Variants in NCAM2 observed in about 807,000 individuals in gnomAD.
NCAM2 encodes the protein N-CAM-2.
In NCAM2, 30 loss-of-function variants were observed where a neutral mutation model predicts 98.1. The ratio of observed to expected loss-of-function variants is 0.31; its 90% CI spans 0.23 to 0.41. The LOEUF (loss-of-function observed/expected upper bound fraction) is 0.41. NCAM2 is among the 10% of genes least tolerant of loss of function. The pLI, the probability that NCAM2 is intolerant of heterozygous loss-of-function variation, is 1.00. For synonymous variants in NCAM2, 368 were observed against 342.4 expected (o/e 1.07, Z -0.83); for missense variants, 867 against 1,005.8 (o/e 0.86, Z 1.87).
At chr21:21,450,051 A>G (rs1003997367) in intron 12 of NCAM2, among the ~76,000 whole-genome samples, 1 of 152,044 alleles carries the variant, frequency 6.6e-6, no homozygotes, top group African/African-American at 2.4e-5. Context: ...CTTTTTACAA[A>G]ATCTCCATTG....
intron 1 of NCAM2, among the ~76,000 whole-genome samples, chr21:21,099,968 T>C (rs2066207047): frequency 6.6e-6 from 1 of 151,906 alleles, no homozygotes; most frequent in South Asian, 2.1e-4. Flanking sequence ...ATTATGTGTT[T>C]GTTTATTATT....
At chr21:21,352,684 C>T (rs759487032) in intron 8 of NCAM2, among the ~76,000 whole-genome samples, 20 of 150,568 alleles carry the variant, frequency 1.3e-4, no homozygotes, top group Non-Finnish European at 2.7e-4. Flanking sequence ...TTACATGTAA[C>T]AATATCTCAG....
chr21:21,043,437 A>G (rs1210079000), intron 1 of NCAM2, among the ~76,000 whole-genome samples: 1 of 152,158 alleles, frequency 6.6e-6, no homozygotes, highest in Non-Finnish European at 1.5e-5. Flanking sequence ...GCACCTAATA[A>G]GGAGTTGTTG....
At chr21:21,147,403 G>C (rs1366253786) in intron 1 of NCAM2, among the ~76,000 whole-genome samples, 1 of 151,934 alleles carries the variant, frequency 6.6e-6, no homozygotes, top group Non-Finnish European at 1.5e-5. Context: ...ACTTCACTCT[G>C]ATTTCATTTA....
intron 1 of NCAM2, among the ~76,000 whole-genome samples, chr21:21,155,487 A>G (rs1449635256): frequency 6.6e-6 from 1 of 151,574 alleles, no homozygotes; most frequent in Non-Finnish European, 1.5e-5. Context: ...TGTGTTAGTT[A>G]CTCATGATTA....
intron 10 of NCAM2, among the ~76,000 whole-genome samples, chr21:21,411,268 T>C (rs2076882817): frequency 6.9e-6 from 1 of 145,858 alleles, no homozygotes; most frequent in African/African-American, 2.5e-5. Flanking sequence ...GGTAATGTAA[T>C]AGTTATTGAG....
chr21:21,091,377 A>G (rs1191732898), intron 1 of NCAM2, among the ~76,000 whole-genome samples: 1 of 152,162 alleles, frequency 6.6e-6, no homozygotes, highest in East Asian at 1.9e-4. Context: ...GCTCACGTCC[A>G]AATGTGCCTG....
chr21:21,510,562 G>A (rs1016243508), intron 16 of NCAM2, among the ~76,000 whole-genome samples: 1 of 148,704 alleles, frequency 6.7e-6, no homozygotes, highest in African/African-American at 2.5e-5. Flanking sequence ...CTATGCATCT[G>A]TTGAAGCGTG....
chr21:21,221,674 A>G (rs1568790996), intron 1 of NCAM2, among the ~76,000 whole-genome samples: 1 of 152,206 alleles, frequency 6.6e-6, no homozygotes, highest in Non-Finnish European at 1.5e-5. Context: ...GTTTGAAACT[A>G]GCAGAGGCTG....
intron 1 of NCAM2, among the ~76,000 whole-genome samples, chr21:21,069,576 A>T (rs1017435627): frequency 2.0e-5 from 3 of 152,164 alleles, no homozygotes; most frequent in Non-Finnish European, 4.4e-5. Context: ...ACCCACTCAA[A>T]CACTTTTCGA....
At chr21:21,296,871 A>G (rs934160863) in intron 5 of NCAM2, among the ~76,000 whole-genome samples, 1 of 151,718 alleles carries the variant, frequency 6.6e-6, no homozygotes, top group African/African-American at 2.4e-5. Context: ...AAAAATGACC[A>G]ATACAGTGTG....
chr21:21,484,440 A>G (rs1360625632), intron 15 of NCAM2, among the ~76,000 whole-genome samples: 3 of 151,954 alleles, frequency 2.0e-5, no homozygotes, highest in East Asian at 1.9e-4. Context: ...TTCAAAAACA[A>G]TTTTCATCAT....
In NCAM2 at chr21:21,516,246, T is replaced by C. The variant is rs1299279392; in HGVS notation, c.2282+7191T>C. Among the ~76,000 whole-genome samples the C allele has an allele frequency of 3.9e-5, 6 of 152,230 alleles. No homozygotes were observed. The East Asian group carries it at 7.7e-4, about 20-fold the overall frequency. On this transcript the variant is annotated intron_variant, in intron 16 of 17. Coordinates refer to ENST00000400546, the MANE Select transcript of NCAM2 (RefSeq NM_004540.5). ...AGTAAGGTCTACAGTCTCTGAGAAA[T>C]AAGAATAAAAATCCTTGCACAGGCA... is the stretch of plus-strand genomic sequence containing the variant.
intron 1 of NCAM2, among the ~76,000 whole-genome samples, chr21:21,171,716 T>C (rs1228592576): frequency 2.6e-5 from 4 of 152,204 alleles, no homozygotes; most frequent in Non-Finnish European, 5.9e-5. Context: ...CAATAAGGAA[T>C]ATTTTGAAAA....
At chr21:21,057,924 C>T (rs948478537) in intron 1 of NCAM2, among the ~76,000 whole-genome samples, 1 of 151,984 alleles carries the variant, frequency 6.6e-6, no homozygotes, top group Non-Finnish European at 1.5e-5. Context: ...ATACCTGTCT[C>T]CTTTAGGCCT....
intron 1 of NCAM2, among the ~76,000 whole-genome samples, chr21:21,027,110 A>G (rs111993965): frequency 0.012 from 1,838 of 152,246 alleles, 30 homozygotes; most frequent in African/African-American, 0.042. Flanking sequence ...CACCTGCCTC[A>G]GCCTCCCAAA....
intron 1 of NCAM2, among the ~76,000 whole-genome samples, chr21:21,204,127 A>G (rs900591374): frequency 6.6e-6 from 1 of 152,072 alleles, no homozygotes; most frequent in Admixed American, 6.6e-5. Context: ...TCCATCTTCA[A>G]TTTTGACATA....
intron 1 of NCAM2, among the ~76,000 whole-genome samples, chr21:21,202,065 G>A (rs1267434921): frequency 2.6e-5 from 4 of 152,162 alleles, no homozygotes; most frequent in Non-Finnish European, 2.9e-5. Context: ...AAGCCTTACA[G>A]GACCTTCTTT....
At chr21:21,020,966 G>A (rs1381704265) in intron 1 of NCAM2, among the ~76,000 whole-genome samples, 1 of 152,006 alleles carries the variant, frequency 6.6e-6, no homozygotes, top group African/African-American at 2.4e-5. Flanking sequence ...TTTCTGTGGT[G>A]GTTATAGTAA....
Sources: gnomAD v4.1 joint callset for allele counts (sites outside exome capture counted in the v4.1 genomes callset) on GRCh38, gnomAD v4.1.1 for gene constraint, MANE v1.5 for transcripts, NCBI Gene and HGNC (gene_info 2026-07-23, HGNC 2026-07-21) for gene names.